Variants in ASNS observed in about 807,000 individuals in gnomAD.
ASNS encodes the protein asparagine synthetase [glutamine-hydrolyzing].
In ASNS, 37 loss-of-function variants were observed where a neutral mutation model predicts 62.6. The observed-to-expected ratio is 0.59, with a 90% CI of 0.45 to 0.78. ASNS has a LOEUF of 0.78. Among genes scored for constraint, ASNS ranks in the 30% least tolerant of loss-of-function variants. The probability of loss-of-function intolerance (pLI) is 0.00; values close to 1 mark genes in which losing one functional copy is unlikely to be tolerated. For synonymous variants in ASNS, 207 were observed against 237.9 expected, an observed-to-expected ratio of 0.87 and a Z score of 1.19; for missense variants, 520 against 682.4, an observed-to-expected ratio of 0.76 and a Z score of 2.65.
At chr7:97,868,254 G>T (rs1792068283) in intron 3 of ASNS, among the ~76,000 whole-genome samples, 1 of 152,154 alleles carries the variant, frequency 6.6e-6, no homozygotes, top group Non-Finnish European at 1.5e-5. Context: ...GTTGCAGTAA[G>T]CCGAGATCGC....
chr7:97,919,025 A>C, the ASNS span, among the ~76,000 whole-genome samples: 1 of 152,224 alleles, frequency 6.6e-6, no homozygotes, highest in Non-Finnish European at 1.5e-5. Context: ...CAAGATCAAG[A>C]AAAGCAAATC....
At chr7:97,859,071 T>C in intron 5 of ASNS, 116 bp from the exon 6 acceptor site, 2 of 1,375,244 alleles carry the variant, frequency 1.5e-6, no homozygotes, top group South Asian at 1.4e-5. Context: ...AATGGTGGAG[T>C]GTGCCAAATC....
At chr7:97,920,311 C>T in the ASNS span, among the ~76,000 whole-genome samples, 2 of 152,080 alleles carry the variant, frequency 1.3e-5, no homozygotes, top group African/African-American at 4.8e-5. Flanking sequence ...GCCCTCTTGT[C>T]CTAACTCTGC....
At chr7:97,917,210 T>C in the ASNS span, among the ~76,000 whole-genome samples, 1 of 112,666 alleles carries the variant, frequency 8.9e-6, no homozygotes. Flanking sequence ...TGGGATATAT[T>C]TGCACCAAAA....
the ASNS span, among the ~76,000 whole-genome samples, chr7:97,893,809 G>T: frequency 1.0e-3 from 153 of 152,254 alleles, no homozygotes; most frequent in African/African-American, 3.4e-3. Context: ...CTCAGCATTG[G>T]ACAGTTCATC....
intron 1 of ASNS, among the ~76,000 whole-genome samples, chr7:97,871,159 C>T (rs1380501362): frequency 1.3e-5 from 2 of 152,146 alleles, no homozygotes; most frequent in African/African-American, 4.8e-5. Flanking sequence ...CAAATAGTAA[C>T]ATTTTAACAT....
At chr7:97,878,611 A>G in the ASNS span, among the ~76,000 whole-genome samples, 1 of 152,200 alleles carries the variant, frequency 6.6e-6, no homozygotes, top group Non-Finnish European at 1.5e-5. Context: ...TCTTCAAGGA[A>G]AACTACAAAC....
chr7:97,905,836 C>T, the ASNS span, among the ~76,000 whole-genome samples: 338 of 152,352 alleles, frequency 2.2e-3, 3 homozygotes, highest in Middle Eastern at 3.4e-3. Flanking sequence ...AGGTGTTTAA[C>T]ATATAATCAT....
At chr7:97,870,438 C>A in intron 1 of ASNS, 1 of 244,466 alleles carries the variant, frequency 4.1e-6, no homozygotes, top group Non-Finnish European at 7.8e-6. Context: ...TTGCATAAGT[C>A]ACTTTGAGCT....
At chr7:97,893,005 C>T in the ASNS span, among the ~76,000 whole-genome samples, 1 of 152,242 alleles carries the variant, frequency 6.6e-6, no homozygotes, top group Non-Finnish European at 1.5e-5. Context: ...CTGATAAAGA[C>T]ACATTCAAGA....
chr7:97,864,158 G>A, intron 4 of ASNS, 101 bp downstream of exon 4: 1 of 1,077,320 alleles, frequency 9.3e-7, no homozygotes, highest in Non-Finnish European at 1.3e-6. Context: ...TTAGTCACTT[G>A]TAAAATTCTG....
the ASNS span, chr7:97,912,985 A>G: frequency 2.0e-5 from 3 of 151,966 alleles, no homozygotes; most frequent in Admixed American, 6.6e-5. Context: ...CAAATAGCAG[A>G]ATGTTTTCAT....
chr7:97,870,388 G>A (rs7790127), intron 1 of ASNS: 138,561 of 296,726 alleles, frequency 0.47, 32,862 homozygotes, highest in African/African-American at 0.56. Context: ...TGCCCAAATA[G>A]TTTGGGATAA....
chr7:97,861,803 T>TA (rs1260311340), intron 4 of ASNS, among the ~76,000 whole-genome samples: 1 of 152,256 alleles, frequency 6.6e-6, no homozygotes, highest in Non-Finnish European at 1.5e-5. Context: ...GATCATGGGA[T>TA]ACTTTTCCAT....
At chr7:97,858,156 A>G in intron 7 of ASNS, 122 bp downstream of exon 7, 5 of 1,315,848 alleles carry the variant, frequency 3.8e-6, no homozygotes, top group South Asian at 1.5e-5. Flanking sequence ...AATACAATCA[A>G]TTTAAAACAA....
the ASNS span, among the ~76,000 whole-genome samples, chr7:97,887,303 C>T: frequency 7.2e-5 from 11 of 152,130 alleles, no homozygotes; most frequent in African/African-American, 1.2e-4. Context: ...TGGGCTGCAG[C>T]CAGAAGCATT....
chr7:97,875,655 G>A (rs1351072256), upstream of ASNS, among the ~76,000 whole-genome samples: 1 of 152,148 alleles, frequency 6.6e-6, no homozygotes, highest in Admixed American at 6.5e-5. Flanking sequence ...TGCTGCTCAT[G>A]GTTCATTGGA....
rs185071319 is a variant in ASNS, at chr7:97,857,692, C to A, written c.903+586G>T. Among the ~76,000 whole-genome samples, 179 of 151,758 alleles carry A rather than the reference C, an allele frequency of 1.2e-3. 1 individual carries two copies. Among genetic ancestry groups the A allele is most frequent in the African/African-American group, 4.2e-3 (172 of 41,352 alleles). ...CAAGATGGGGTCTTGCTACGTTGCC[C>A]AGCCTGGACTTGAACTCCTGAGCTC... On this transcript the variant is annotated intron_variant, in intron 7 of 12. Coordinates refer to ENST00000394308, the MANE Select transcript of ASNS (RefSeq NM_001673.5).
At chr7:97,891,523 C>T in the ASNS span, among the ~76,000 whole-genome samples, 1 of 152,234 alleles carries the variant, frequency 6.6e-6, no homozygotes, top group East Asian at 1.9e-4. Context: ...CAAGGCAAAT[C>T]CCTTCTGCCT....
Sources: allele counts gnomAD v4.1 joint callset (sites outside exome capture counted in the v4.1 genomes callset), GRCh38; gene constraint gnomAD v4.1.1; transcripts MANE v1.5; gene names NCBI Gene and HGNC (gene_info 2026-07-23, HGNC 2026-07-21).